LRRC4C: variants seen among roughly 807,000 people sequenced by gnomAD.
LRRC4C encodes the protein leucine rich repeat containing 4C, also known as leucine-rich repeat-containing protein 4C.
Under a neutral mutation model 33.6 loss-of-function variants are expected in LRRC4C, and 5 were observed. The observed-to-expected ratio is 0.15, with a 90% CI of 0.08 to 0.31. The LOEUF is 0.31. LRRC4C is among the 10% of genes least tolerant of loss of function. The probability of loss-of-function intolerance (pLI) is 1.00; values close to 1 mark genes in which losing one functional copy is unlikely to be tolerated. For synonymous variants in LRRC4C, 329 were observed against 302.0 expected (o/e 1.09, Z -0.93); for missense variants, 560 against 796.7 (o/e 0.70, Z 3.58).
intron 3 of LRRC4C, among the ~76,000 whole-genome samples, chr11:40,606,685 GA>G (rs1960642496): frequency 1.3e-5 from 2 of 151,688 alleles, no homozygotes; most frequent in South Asian, 2.1e-4. Flanking sequence ...GAAAATATAA[GA>G]AAAAAATAAA....
intron 3 of LRRC4C, among the ~76,000 whole-genome samples, chr11:40,518,692 C>T (rs1399164435): frequency 3.3e-5 from 5 of 152,068 alleles, no homozygotes; most frequent in African/African-American, 4.8e-5. Flanking sequence ...GACAGTGTGG[C>T]GATTCCTCAA....
At position 40,674,197 on chromosome 11, in the gene LRRC4C, C is replaced by T. The variant is rs1013352735; in HGVS notation, c.-406-25919G>A. On this transcript the variant is annotated intron_variant, in intron 2 of 6. Transcript: ENST00000528697. Reference sequence around the variant, plus strand: ...GGCTTTGCCTATAGGATTCGACTTTCATCGTTAATCTAAAGATGATGTGAG... The same window carrying T: ...GGCTTTGCCTATAGGATTCGACTTTTATCGTTAATCTAAAGATGATGTGAG... Among the ~76,000 whole-genome samples, 28 of 152,118 alleles carry T rather than the reference C, an allele frequency of 1.8e-4. 1 individual carries two copies. Among genetic ancestry groups the T allele is most frequent in the African/African-American group, 6.8e-4 (28 of 41,408 alleles).
At chr11:40,858,684 C>T (rs1002821504) in intron 2 of LRRC4C, among the ~76,000 whole-genome samples, 1 of 121,198 alleles carries the variant, frequency 8.3e-6, no homozygotes, top group Non-Finnish European at 1.6e-5. Context: ...CAGAGTGAGA[C>T]TCCTTCTTAA....
chr11:40,193,323 G>A (rs1486228584), intron 5 of LRRC4C, among the ~76,000 whole-genome samples: 1 of 152,164 alleles, frequency 6.6e-6, no homozygotes, highest in African/African-American at 2.4e-5. Flanking sequence ...GGTCTGGAGT[G>A]GACCTCCAGC....
intron 2 of LRRC4C, among the ~76,000 whole-genome samples, chr11:40,714,472 G>A (rs946993588): frequency 5.9e-5 from 9 of 152,166 alleles, no homozygotes; most frequent in Non-Finnish European, 1.3e-4. Flanking sequence ...CAGATTATGA[G>A]CTAAGTAAAT....
intron 2 of LRRC4C, among the ~76,000 whole-genome samples, chr11:40,765,069 C>T (rs1179054848): frequency 6.6e-6 from 1 of 152,158 alleles, no homozygotes; most frequent in Non-Finnish European, 1.5e-5. Context: ...TCCAGGAAAA[C>T]ACGACTTCGC....
At chr11:40,793,982 C>T (rs1314235742) in intron 2 of LRRC4C, among the ~76,000 whole-genome samples, 2 of 152,114 alleles carry the variant, frequency 1.3e-5, no homozygotes, top group African/African-American at 4.8e-5. Context: ...CATATAAACT[C>T]ACTAGACTTC....
At chr11:40,965,178 G>A (rs1851255590) in intron 1 of LRRC4C, among the ~76,000 whole-genome samples, 2 of 152,182 alleles carry the variant, frequency 1.3e-5, no homozygotes, top group African/African-American at 2.4e-5. Flanking sequence ...CTTTTGAGAA[G>A]TGTCTGTTCA....
At chr11:40,499,134 G>A (rs1030477791) in intron 3 of LRRC4C, among the ~76,000 whole-genome samples, 3 of 152,182 alleles carry the variant, frequency 2.0e-5, no homozygotes, top group Admixed American at 6.6e-5. Context: ...GAGCCTCCCT[G>A]CTGGAGAGAG....
At chr11:40,966,669 T>C (rs931769704) in intron 1 of LRRC4C, among the ~76,000 whole-genome samples, 3 of 151,974 alleles carry the variant, frequency 2.0e-5, no homozygotes, top group Non-Finnish European at 2.9e-5. Context: ...CATGCCTCTG[T>C]CCTCATTAAC....
At chr11:41,001,612 TAA>T (rs11318314) in intron 1 of LRRC4C, among the ~76,000 whole-genome samples, 19 of 150,630 alleles carry the variant, frequency 1.3e-4, no homozygotes, top group Non-Finnish European at 2.5e-4. Flanking sequence ...TCTACATAAT[TAA>T]AAAAAAAAAT....
intron 1 of LRRC4C, among the ~76,000 whole-genome samples, chr11:41,007,715 T>C (rs1272112722): frequency 6.6e-6 from 1 of 152,144 alleles, no homozygotes; most frequent in Non-Finnish European, 1.5e-5. Flanking sequence ...TAGAACATTA[T>C]TTAGCCATTG....
At chr11:41,080,721 T>G (rs1939513696) in intron 1 of LRRC4C, among the ~76,000 whole-genome samples, 1 of 152,180 alleles carries the variant, frequency 6.6e-6, no homozygotes, top group Non-Finnish European at 1.5e-5. Context: ...TATCTTTGAT[T>G]AAGGCTAAAA....
At chr11:41,088,249 T>C (rs760532797) in intron 1 of LRRC4C, among the ~76,000 whole-genome samples, 6 of 152,134 alleles carry the variant, frequency 3.9e-5, no homozygotes, top group Non-Finnish European at 5.9e-5. Flanking sequence ...TTGATCCAGG[T>C]CTGAGTCTAA....
Position 40,469,523 on chromosome 11 carries a change from C to T in LRRC4C, c.-269-149802G>A, listed in dbSNP as rs180879649. ...GCCCCAGTAGCATCTGGAATACCAG[C>T]GAGACAGAACTGTTCACTCCCCTGG... On this transcript the variant is annotated intron_variant, in intron 3 of 6. Transcript: ENST00000528697. Among the ~76,000 whole-genome samples the T allele has an allele frequency of 9.2e-5, 14 of 152,194 alleles. No homozygotes were observed. In the East Asian group the frequency reaches 9.7e-4, roughly 11 times the overall value.
chr11:40,670,865 G>A (rs1944061438), intron 2 of LRRC4C, among the ~76,000 whole-genome samples: 1 of 152,144 alleles, frequency 6.6e-6, no homozygotes, highest in Non-Finnish European at 1.5e-5. Context: ...CCGGGTTCAC[G>A]CCATTCTCCT....
At chr11:40,479,575 T>C (rs920572863) in intron 3 of LRRC4C, among the ~76,000 whole-genome samples, 1 of 152,154 alleles carries the variant, frequency 6.6e-6, no homozygotes, top group Non-Finnish European at 1.5e-5. Context: ...CATGATAAAA[T>C]GAAGGGAGTA....
intron 3 of LRRC4C, among the ~76,000 whole-genome samples, chr11:40,387,440 T>C (rs1949155368): frequency 6.6e-6 from 1 of 152,204 alleles, no homozygotes; most frequent in African/African-American, 2.4e-5. Flanking sequence ...ATAAATGCAG[T>C]CATAGGTTTC....
At chr11:41,069,722 C>T (rs555068689) in intron 1 of LRRC4C, among the ~76,000 whole-genome samples, 3 of 152,128 alleles carry the variant, frequency 2.0e-5, no homozygotes, top group Non-Finnish European at 4.4e-5. Flanking sequence ...ACATGCAGGG[C>T]CTCTTCAAGG....
Sources: allele counts gnomAD v4.1 joint callset (sites outside exome capture counted in the v4.1 genomes callset), GRCh38; gene constraint gnomAD v4.1.1; transcripts MANE v1.5; gene names NCBI Gene and HGNC (gene_info 2026-07-23, HGNC 2026-07-21).